The following MS4A6E variants were observed in gnomAD, a reference collection of about 807,000 sequenced individuals.
MS4A6E encodes membrane-spanning 4-domains subfamily A member 6E.
MS4A6E carries 8 observed loss-of-function variants against 13.2 expected under a neutral mutation model. The observed-to-expected ratio is 0.60, with a 90% CI of 0.35 to 1.09. The LOEUF (loss-of-function observed/expected upper bound fraction) is 1.09, where lower values mean the gene tolerates loss of function less well. Among genes scored for constraint, MS4A6E ranks in the 50% least tolerant of loss-of-function variants. The pLI is 0.02. For synonymous variants in MS4A6E, 72 were observed against 67.6 expected, an observed-to-expected ratio of 1.06 and a Z score of -0.32; for missense variants, 177 against 171.1, an observed-to-expected ratio of 1.03 and a Z score of -0.19.
chr11:60,337,769 T>C lies in MS4A6E; in HGVS notation c.176T>C (p.Leu59Pro). 6.2e-7 allele frequency: 1 copy of C among 1,614,252 alleles called. No individual in the cohort carries two copies. The highest frequency in any genetic ancestry group is 8.5e-7 in the Non-Finnish European group (1 of 1,180,044). The change falls in exon 3 of 5, where the codon CTG (leucine) becomes CCG (proline). Residue 59 changes from leucine to proline, a missense_variant. Transcript: ENST00000684409. ...GVHSSLAGSI[L>P]SALSALVGFI... is the part of the protein sequence containing the mutation. The stretch of plus-strand genomic sequence containing the variant: ...CATAGCAGCCTGGCTGGAAGCATTC[T>C]GAGTGCTCTGTCTGCCCTGGTGGGT...
At position 60,334,876 on chromosome 11, in the gene MS4A6E, C is replaced by G. The variant is rs778770030; in HGVS notation, c.-14-6C>G. 1 of 1,610,050 alleles carries G rather than the reference C, an allele frequency of 6.2e-7. No individual in the cohort carries two copies. Among genetic ancestry groups the G allele is most frequent in the Non-Finnish European group, 8.5e-7 (1 of 1,178,298 alleles). On this transcript the variant is annotated splice_polypyrimidine_tract_variant and splice_region_variant and intron_variant, in intron 1 of 4. Transcript: ENST00000684409. Reference sequence around the variant, plus strand: ...TTAAGAGCTAAATCTATTTTTTCTTCCGTAGTTGGCAACACCATTATGACA... The same window carrying G: ...TTAAGAGCTAAATCTATTTTTTCTTGCGTAGTTGGCAACACCATTATGACA...
intron 1 of MS4A6E, among the ~76,000 whole-genome samples, chr11:60,331,648 T>C (rs1280687352): frequency 1.3e-5 from 2 of 152,230 alleles, no homozygotes; most frequent in Non-Finnish European, 2.9e-5. Context: ...ATGAACATAA[T>C]AACAGTTTAT....
chr11:60,348,368 G>A (rs886679811), intron 4 of MS4A6E, among the ~76,000 whole-genome samples: 1 of 152,170 alleles, frequency 6.6e-6, no homozygotes. Context: ...AAAGAGTACA[G>A]CTCATTTCAG....
At chr11:60,342,196 AGAGAG>A (rs796393599), downstream of MS4A6E, among the ~76,000 whole-genome samples, 47 of 118,514 alleles carry the variant, frequency 4.0e-4, 1 homozygote, top group East Asian at 2.8e-3. Flanking sequence ...AGAGAGAGAG[AGAGAG>A]GGGGGGGGAG....
intron 2 of MS4A6E, among the ~76,000 whole-genome samples, chr11:60,336,272 G>T (rs1411035370): frequency 6.6e-6 from 1 of 152,208 alleles, no homozygotes; most frequent in Non-Finnish European, 1.5e-5. Context: ...GGCTATCGAT[G>T]ATGTGAAATA....
At chr11:60,334,364 G>T (rs908383700) in intron 1 of MS4A6E, among the ~76,000 whole-genome samples, 2 of 152,174 alleles carry the variant, frequency 1.3e-5, no homozygotes, top group Non-Finnish European at 2.9e-5. Context: ...GTCTTCCAAT[G>T]TATGAAGCCA....
chr11:60,335,014 G>T lies in MS4A6E; in HGVS notation c.119G>T (p.Arg40Leu). The change falls in exon 2 of 5, where the codon CGT becomes CTT. Residue 40 changes from arginine (R) to leucine (L), a missense_variant. Physicochemically the swap from Arg to Leu is moderately radical, Grantham distance 102. Transcript: ENST00000684409. ...CAGGGGCAGGATAGCCTGAAGAAAC[G>T]TCTACAGGCAAAAGTCAAAGTTATT... ...TNQGQDSLKKRLQAKVKVIGV... is the reference protein window; with the variant it reads ...TNQGQDSLKKLLQAKVKVIGV... 1 of 1,614,100 alleles carries T rather than the reference G, an allele frequency of 6.2e-7. No homozygotes were observed. The highest frequency in any genetic ancestry group is 8.5e-7 in the Non-Finnish European group (1 of 1,179,994).
downstream of MS4A6E, among the ~76,000 whole-genome samples, chr11:60,343,816 T>C (rs1272011893): frequency 6.6e-6 from 1 of 152,228 alleles, no homozygotes; most frequent in Non-Finnish European, 1.5e-5. Flanking sequence ...TCTTCTGGGC[T>C]GTCAGAGGTT....
chr11:60,327,930 T>C (rs2085130203), intron 1 of MS4A6E, among the ~76,000 whole-genome samples: 1 of 148,246 alleles, frequency 6.7e-6, no homozygotes, highest in South Asian at 2.1e-4. Flanking sequence ...CTCGGGAGGC[T>C]GAGGCTGTAG....
chr11:60,329,274 G>C (rs949280886), intron 1 of MS4A6E, among the ~76,000 whole-genome samples: 1 of 152,028 alleles, frequency 6.6e-6, no homozygotes, highest in Non-Finnish European at 1.5e-5. Context: ...TTAGTTTGCT[G>C]AGAATGATGG....
chr11:60,334,859 T>C (rs1590774297), intron 1 of MS4A6E, 23 bp from the exon 2 acceptor site: 1 of 1,611,306 alleles, frequency 6.2e-7, no homozygotes. Flanking sequence ...TTTTAAGAGC[T>C]AAATCTATTT....
intron 1 of MS4A6E, among the ~76,000 whole-genome samples, chr11:60,333,417 C>A (rs2085169305): frequency 1.3e-5 from 2 of 152,090 alleles, no homozygotes. Flanking sequence ...AGAACAATAT[C>A]TCACTAAAAA....
chr11:60,335,760 C>G (rs543978372), intron 2 of MS4A6E: 3 of 325,090 alleles, frequency 9.2e-6, no homozygotes, highest in Non-Finnish European at 1.8e-5. Context: ...GTCTAGGAAA[C>G]TTCTTGGTAA....
intron 4 of MS4A6E, among the ~76,000 whole-genome samples, chr11:60,348,666 T>C (rs781415991): frequency 2.0e-5 from 3 of 152,124 alleles, no homozygotes; most frequent in African/African-American, 7.2e-5. Flanking sequence ...TGGCGAGAAA[T>C]CCTCATTTGC....
In MS4A6E at chr11:60,341,203, G is replaced by A. The variant is rs531410408; in HGVS notation, c.*437G>A. Among the ~76,000 whole-genome samples the A allele has an allele frequency of 1.6e-3, 249 of 152,234 alleles. 1 individual carries two copies. The Middle Eastern group carries it at 0.031, about 19-fold the overall frequency. ...GGAGTTAACTGATTTGCTGTGGTGC[G>A]CAGACTCTTTTATCACAGGTGCTAC... On this transcript the variant is annotated 3_prime_UTR_variant, in exon 5 of 5. Coordinates refer to ENST00000684409, the MANE Select transcript of MS4A6E (RefSeq NM_139249.4).
rs1200136983 is a variant in MS4A6E, at chr11:60,334,941, T to A, written c.46T>A (p.Ser16Thr). The A allele has an allele frequency of 6.2e-7, 1 of 1,614,052 alleles. No homozygotes were observed. The highest frequency in any genetic ancestry group is 1.1e-5 in the South Asian group (1 of 91,074). Reference protein sequence around the residue: ...ISNETIIMLPSNVINFSQAEK... With the variant: ...ISNETIIMLPTNVINFSQAEK... ...CAATGAGACCATCATAATGCTCCCATCAAATGTCATCAACTTCTCCCAAGC... is the reference window on the plus strand; with the variant it reads ...CAATGAGACCATCATAATGCTCCCAACAAATGTCATCAACTTCTCCCAAGC... The change falls in exon 2 of 5, where the codon TCA becomes ACA. Residue 16 changes from serine to threonine, a missense_variant. Physicochemically the swap from Ser to Thr is moderately conservative, Grantham distance 58. Transcript: ENST00000684409.
At chr11:60,333,673 G>T (rs545919186) in intron 1 of MS4A6E, among the ~76,000 whole-genome samples, 1 of 152,268 alleles carries the variant, frequency 6.6e-6, no homozygotes, top group Non-Finnish European at 1.5e-5. Context: ...AGTTGTTTTG[G>T]GTCCAAAGAG....
chr11:60,339,600 C>T (rs557110635), intron 3 of MS4A6E, among the ~76,000 whole-genome samples: 6 of 152,294 alleles, frequency 3.9e-5, no homozygotes, highest in Admixed American at 1.3e-4. Flanking sequence ...GAACTACGTA[C>T]GTCTCAAAGA....
At chr11:60,337,300 T>C (rs1384534999) in intron 2 of MS4A6E, among the ~76,000 whole-genome samples, 1 of 152,224 alleles carries the variant, frequency 6.6e-6, no homozygotes, top group African/African-American at 2.4e-5. Context: ...AAAATTACTT[T>C]TGCACCATGC....
Sources: allele counts gnomAD v4.1 joint callset (sites outside exome capture counted in the v4.1 genomes callset), GRCh38; gene constraint gnomAD v4.1.1; transcripts MANE v1.5; gene names NCBI Gene and HGNC (gene_info 2026-07-23, HGNC 2026-07-21).